Variants in ABHD11 observed in about 807,000 individuals in gnomAD.
The protein encoded by ABHD11 is abhydrolase domain containing 11.
A neutral mutation model predicts 29.0 loss-of-function variants in ABHD11; 26 were observed. The observed-to-expected ratio is 0.90, with a 90% CI of 0.66 to 1.24. The LOEUF is 1.24. Among genes scored for constraint, ABHD11 ranks in the 50% most tolerant of loss-of-function variants. The probability of loss-of-function intolerance (pLI) is 0.00; values close to 1 mark genes in which losing one functional copy is unlikely to be tolerated. For synonymous variants in ABHD11, 169 were observed against 166.4 expected, an observed-to-expected ratio of 1.02 and a Z score of -0.12; for missense variants, 381 against 422.4, an observed-to-expected ratio of 0.90 and a Z score of 0.86.
At position 73,737,743 on chromosome 7, in the gene ABHD11, G is replaced by A. The variant is rs538771803; in HGVS notation, c.262-8C>T. 49 of 1,607,214 alleles carry A rather than the reference G, an allele frequency of 3.0e-5. 1 individual carries two copies. The South Asian group carries it at 4.9e-4, about 16-fold the overall frequency. On this transcript the variant is annotated splice_polypyrimidine_tract_variant and splice_region_variant and intron_variant, in intron 2 of 5. Coordinates refer to ENST00000222800, the MANE Select transcript of ABHD11 (RefSeq NM_148912.4). ...AGCATCCACCGTCAGCACCTGGGGAGTGGGGTGAGACGGGGCTGCGTTGAT... is the reference window on the plus strand; with the variant it reads ...AGCATCCACCGTCAGCACCTGGGGAATGGGGTGAGACGGGGCTGCGTTGAT...
Position 73,738,795 on chromosome 7 carries a change from C to G in ABHD11, c.-25G>C. 2 of 1,590,190 alleles carry G rather than the reference C, an allele frequency of 1.3e-6. No individual in the cohort carries two copies. Among genetic ancestry groups the G allele is most frequent in the Non-Finnish European group, 1.7e-6 (2 of 1,167,494 alleles). On this transcript the variant is annotated 5_prime_UTR_variant, in exon 1 of 6. An upstream start codon of the reference 5' UTR is lost. Transcript: ENST00000222800. ...TGCTTGCAAGCTGTTGGCCGGCTCG[C>G]ATCTCACAAGGTACGTCCTCCCCGC...
In ABHD11 at chr7:73,737,556, G is replaced by A. The variant is rs1800030458; in HGVS notation, c.435+6C>T. ...TGGGAGGAGGCCCCAGACATGGGCG[G>A]CTCACCCTCTGTAGTGCCAGCAGCA... On this transcript the variant is annotated splice_donor_region_variant and intron_variant, in intron 3 of 5. Coordinates refer to ENST00000222800, the MANE Select transcript of ABHD11 (RefSeq NM_148912.4). 2 of 1,595,108 alleles carry A rather than the reference G, an allele frequency of 1.3e-6. No individual in the cohort carries two copies. The highest frequency in any genetic ancestry group is 8.5e-7 in the Non-Finnish European group (1 of 1,171,016).
chr7:73,738,793 C>T lies in ABHD11; in HGVS notation c.-23G>A, dbSNP rs782231905. ...CATGCTTGCAAGCTGTTGGCCGGCT[C>T]GCATCTCACAAGGTACGTCCTCCCC... On this transcript the variant is annotated 5_prime_UTR_variant, in exon 1 of 6. Coordinates refer to ENST00000222800, the MANE Select transcript of ABHD11 (RefSeq NM_148912.4). 3 of 1,591,370 alleles carry T rather than the reference C, an allele frequency of 1.9e-6. No individual in the cohort carries two copies. Among genetic ancestry groups the T allele is most frequent in the Non-Finnish European group, 2.6e-6 (3 of 1,168,020 alleles).
intron 2 of ABHD11, chr7:73,738,052 G>T: frequency 1.3e-6 from 1 of 745,194 alleles, no homozygotes; most frequent in Non-Finnish European, 2.4e-6. Context: ...GCCATAAGAG[G>T]TGGTGAGCTC....
At position 73,737,385 on chromosome 7, in the gene ABHD11, G is replaced by A. The variant is rs1295003494; in HGVS notation, c.442C>T (p.Leu148=). The A allele has an allele frequency of 6.2e-7, 1 of 1,611,460 alleles. No homozygotes were observed. The highest frequency in any genetic ancestry group is 1.1e-5 in the South Asian group (1 of 91,004). Residue 148 remains leucine, a synonymous_variant, in exon 4 of 6, where the codon CTG becomes TTG. Transcript: ENST00000222800. The part of the protein sequence containing the change: ...AMLLALQRPE[L]VERLIAVDIS... ...TCTACAGCAATGAGACGTTCCACCAGCTCTGGCTGTGGGAGAGAACCGAAC... is the reference window on the plus strand; with the variant it reads ...TCTACAGCAATGAGACGTTCCACCAACTCTGGCTGTGGGAGAGAACCGAAC...
At chr7:73,738,603 A>T in intron 1 of ABHD11, 43 bp downstream of exon 1, 1 of 1,574,676 alleles carries the variant, frequency 6.4e-7, no homozygotes, top group South Asian at 1.2e-5. Flanking sequence ...CGGCAGGAAA[A>T]GGAGGACAGA....
rs782333588 is a variant in ABHD11, at chr7:73,738,665, G to T, written c.106C>A (p.Arg36=). Residue 36 remains arginine (R), a synonymous_variant, in exon 1 of 6, where the codon CGA becomes AGA. Coordinates refer to ENST00000222800, the MANE Select transcript of ABHD11 (RefSeq NM_148912.4). ...PVAPSSSSGG[R]GGAEPRPLPL... is the part of the protein sequence containing the mutation. The stretch of plus-strand genomic sequence containing the variant: ...ACTGACCTCGGCTCGGCGCCCCCTC[G>T]GCCGCCGCTGCTGCTGCTGGGTGCG... The T allele has an allele frequency of 7.5e-6, 12 of 1,594,726 alleles. No homozygotes were observed. Among genetic ancestry groups the T allele is most frequent in the Non-Finnish European group, 1.0e-5 (12 of 1,173,198 alleles).
At position 73,736,565 on chromosome 7, in the gene ABHD11, C is replaced by T. The variant is rs141364612; in HGVS notation, c.915G>A (p.Leu305=). Residue 305 remains leucine, a synonymous_variant, in exon 6 of 6, where the codon CTG becomes CTA. Coordinates refer to ENST00000222800, the MANE Select transcript of ABHD11 (RefSeq NM_148912.4). ...QDFIAAIRGF[L]V is the part of the protein sequence containing the mutation. ...ATCTTCTTGCCAGCAACTCTTAGACCAGGAAGCCTCGGATGGCAGCTATGA... is the reference window on the plus strand; with the variant it reads ...ATCTTCTTGCCAGCAACTCTTAGACTAGGAAGCCTCGGATGGCAGCTATGA... 18 of 1,613,764 alleles carry T rather than the reference C, an allele frequency of 1.1e-5. No homozygotes were observed. The African/African-American group carries it at 2.4e-4, about 22-fold the overall frequency.
At chr7:73,737,461 C>T (rs1356272852) in intron 3 of ABHD11, 70 bp from the exon 4 acceptor site, 1 of 1,567,382 alleles carries the variant, frequency 6.4e-7, no homozygotes, top group Non-Finnish European at 8.6e-7. Flanking sequence ...GCTCCTGGAG[C>T]CTGAACTTGG....
Position 73,737,904 on chromosome 7 carries a change from C to A in ABHD11, c.262-169G>T, listed in dbSNP as rs575900316. ...GGAGGCCCAGATGAAGAACCTGGGG[C>A]CACTCTGCCAGAGAAGAGCAGGCCC... On this transcript the variant is annotated intron_variant, in intron 2 of 5. Transcript: ENST00000222800. 37 of 1,055,726 alleles carry A rather than the reference C, an allele frequency of 3.5e-5. No homozygotes were observed. In the African/African-American group the frequency reaches 5.7e-4, roughly 16 times the overall value. 65.4% of individuals were successfully genotyped at this position (1,055,726 alleles called of 1,614,324 possible).
In ABHD11 at chr7:73,738,433, G is replaced by A. The variant is rs185969484; in HGVS notation, c.156C>T (p.Asp52=). The stretch of plus-strand genomic sequence containing the variant: ...CGACGGCCGGGAGGGCTGCCTCCCC[G>A]TCCAGAAGCCTGTAGGAAAGCGGAA... The part of the protein sequence containing the change: ...RPLPLSYRLL[D]GEAALPAVVF... The change falls in exon 2 of 6, where the codon GAC becomes GAT. Residue 52 remains aspartate (D), a synonymous_variant. Coordinates refer to ENST00000222800, the MANE Select transcript of ABHD11 (RefSeq NM_148912.4). The A allele has an allele frequency of 1.1e-3, 1,826 of 1,610,808 alleles. 25 individuals carry two copies. In the East Asian group the frequency reaches 0.032, roughly 28 times the overall value.
rs1554623015 is a variant in ABHD11 at position 73,738,678 on chromosome 7, G to C, written c.93C>G (p.Ser31Arg). ...CGGCGCCCCCTCGGCCGCCGCTGCTGCTGCTGGGTGCGACAGGCACCCTCG... is the reference window on the plus strand; with the variant it reads ...CGGCGCCCCCTCGGCCGCCGCTGCTCCTGCTGGGTGCGACAGGCACCCTCG... ...SFARVPVAPS[S>R]SSGGRGGAEP... The change falls in exon 1 of 6, where the codon AGC becomes AGG. Residue 31 changes from serine to arginine, a missense_variant. Transcript: ENST00000222800. 3.3e-5 allele frequency: 53 copies of C among 1,601,440 alleles called. No homozygotes were observed. The highest frequency in any genetic ancestry group is 4.5e-5 in the Non-Finnish European group (53 of 1,175,654).
At position 73,738,682 on chromosome 7, in the gene ABHD11, C is replaced by T; in HGVS notation, c.89G>A (p.Ser30Asn). The T allele has an allele frequency of 6.2e-7, 1 of 1,602,728 alleles. No homozygotes were observed. Among genetic ancestry groups the T allele is most frequent in the Non-Finnish European group, 8.5e-7 (1 of 1,176,160 alleles). Residue 30 changes from serine (S) to asparagine (N), a missense_variant, in exon 1 of 6, where the codon AGC (serine) becomes AAC (asparagine). By Grantham distance (46) the Ser-to-Asn change is conservative. Transcript: ENST00000222800. ...PSFARVPVAP[S>N]SSSGGRGGAE... ...GCCCCCTCGGCCGCCGCTGCTGCTG[C>T]TGGGTGCGACAGGCACCCTCGCGAA...
chr7:73,736,759 T>G (rs1792071138), intron 5 of ABHD11, 68 bp from the exon 6 acceptor site: 2 of 1,608,432 alleles, frequency 1.2e-6, no homozygotes, highest in African/African-American at 1.3e-5. Flanking sequence ...AAGAGACACG[T>G]GGAAGCAGAA....
intron 2 of ABHD11, 28 bp downstream of exon 2, chr7:73,738,300 A>C: frequency 1.3e-6 from 2 of 1,491,160 alleles, no homozygotes; most frequent in African/African-American, 1.4e-5. Flanking sequence ...CCCAGCCCCA[A>C]AGGAGCCCCG....
Position 73,737,295 on chromosome 7 carries a change from T to C in ABHD11, c.532A>G (p.Ile178Val), listed in dbSNP as rs1406507124. 6.2e-7 allele frequency: 1 copy of C among 1,614,010 alleles called. No homozygotes were observed. The highest frequency in any genetic ancestry group is 8.5e-7 in the Non-Finnish European group (1 of 1,180,046). ...CGGGGCAGCTCATCTGCGATGTTGA[T>C]GGCCCTCATGGCTGCCACATAGGTT... is the stretch of plus-strand genomic sequence containing the variant. ...FATYVAAMRA[I>V]NIADELPRSR... is the part of the protein sequence containing the mutation. Residue 178 changes from isoleucine (I) to valine (V), a missense_variant, in exon 4 of 6, where the codon ATC becomes GTC. By Grantham distance (29) the Ile-to-Val change is conservative. Transcript: ENST00000222800.
chr7:73,736,744 A>G, intron 5 of ABHD11, 53 bp from the exon 6 acceptor site: 2 of 1,610,720 alleles, frequency 1.2e-6, no homozygotes, highest in Non-Finnish European at 1.7e-6. Context: ...GATGAGGAGG[A>G]GTGAAAGAGA....
Position 73,737,244 on chromosome 7 carries a change from C to T in ABHD11, c.583G>A (p.Glu195Lys). ...PRSRARKLAD[E>K]QLSSVIQDMA... ...ACCTGGATGACAGAACTGAGCTGTT[C>T]ATCCGCCAGTTTTCGGGCACGGGAG... The change falls in exon 4 of 6, where the codon GAA becomes AAA. Residue 195 changes from glutamate (E) to lysine (K), a missense_variant. Glu to Lys is a moderately conservative substitution (Grantham distance 56). Coordinates refer to ENST00000222800, the MANE Select transcript of ABHD11 (RefSeq NM_148912.4). The T allele has an allele frequency of 1.2e-6, 2 of 1,614,114 alleles. No homozygotes were observed. The highest frequency in any genetic ancestry group is 1.7e-6 in the Non-Finnish European group (2 of 1,180,034).
chr7:73,738,024 A>G (rs1457250123), intron 2 of ABHD11: 1 of 742,766 alleles, frequency 1.3e-6, no homozygotes, highest in African/African-American at 1.7e-5. Flanking sequence ...CAACAGTAGG[A>G]GCACAGAAGA....
Sources: allele counts gnomAD v4.1 joint callset, GRCh38; gene constraint gnomAD v4.1.1; transcripts MANE v1.5; gene names NCBI Gene and HGNC (gene_info 2026-07-23, HGNC 2026-07-21).